Variants in NACC2 observed in about 807,000 individuals in gnomAD.
NACC2 encodes NACC family member 2, also known as nucleus accumbens-associated protein 2.
NACC2 carries 8 observed loss-of-function variants against 25.1 expected under a neutral mutation model. The ratio of observed to expected loss-of-function variants is 0.32; its 90% CI spans 0.19 to 0.57. The LOEUF is 0.57. Ranked by LOEUF, NACC2 falls within the 20% of genes least tolerant of loss-of-function variation. The pLI is 0.89. For synonymous variants in NACC2, 435 were observed against 294.7 expected, an observed-to-expected ratio of 1.48 and a Z score of -4.88; for missense variants, 644 against 650.2, an observed-to-expected ratio of 0.99 and a Z score of 0.10.
intron 1 of NACC2, among the ~76,000 whole-genome samples, chr9:136,092,379 C>A (rs556703337): frequency 1.7e-4 from 26 of 152,316 alleles, no homozygotes; most frequent in African/African-American, 5.8e-4. Context: ...GAGACCAGAC[C>A]CAGTCAGACC....
chr9:136,035,490 C>G (rs999861866), intron 2 of NACC2, among the ~76,000 whole-genome samples: 9 of 152,060 alleles, frequency 5.9e-5, no homozygotes, highest in African/African-American at 2.2e-4. Flanking sequence ...GAGGCTGAGA[C>G]ACTATTCTAG....
At chr9:136,073,999 A>AT (rs1830228379) in intron 1 of NACC2, among the ~76,000 whole-genome samples, 2 of 152,222 alleles carry the variant, frequency 1.3e-5, no homozygotes, top group Non-Finnish European at 1.5e-5. Flanking sequence ...GTCCTTGACT[A>AT]TTTTTTTAAA....
chr9:136,019,683 C>T lies in NACC2; in HGVS notation c.887-3254G>A, dbSNP rs535773580. Among the ~76,000 whole-genome samples the T allele has an allele frequency of 2.9e-4, 44 of 152,288 alleles. No individual in the cohort carries two copies. In the South Asian group the frequency reaches 6.8e-3, roughly 24 times the overall value. ...CAGCCTCCCGGGCAGCAGGGCCCAG[C>T]TACTGAGGGTAGGCAGGTGGGCAGC... On this transcript the variant is annotated intron_variant, in intron 2 of 5. Transcript: ENST00000277554. The surrounding 1 kb of genome is among the most constrained non-coding windows in gnomAD (Gnocchi z 5.2).
chr9:136,064,617 T>C (rs148863961), intron 1 of NACC2, among the ~76,000 whole-genome samples: 3,751 of 152,306 alleles, frequency 0.025, 50 homozygotes, highest in Middle Eastern at 0.078. Context: ...AAGTCTTCCT[T>C]AATAATGTTA....
At chr9:136,040,019 G>T (rs1840604407) in intron 2 of NACC2, among the ~76,000 whole-genome samples, 2 of 152,164 alleles carry the variant, frequency 1.3e-5, no homozygotes, top group Non-Finnish European at 2.9e-5. Context: ...AGGTAGCAAG[G>T]TTGTAGAATA....
chr9:136,048,280 G>C (rs1406837825), intron 2 of NACC2, among the ~76,000 whole-genome samples: 2 of 152,208 alleles, frequency 1.3e-5, no homozygotes, highest in Non-Finnish European at 2.9e-5. Flanking sequence ...TGGGGTGGCT[G>C]TCAGCAGGGG....
At chr9:136,052,769 T>C (rs1055923656) in intron 1 of NACC2, among the ~76,000 whole-genome samples, 1 of 152,188 alleles carries the variant, frequency 6.6e-6, no homozygotes, top group African/African-American at 2.4e-5. Flanking sequence ...TCCCGCACAC[T>C]CCTGGCTGCG....
intron 1 of NACC2, among the ~76,000 whole-genome samples, chr9:136,080,263 C>T (rs761934620): frequency 2.6e-5 from 4 of 152,196 alleles, no homozygotes; most frequent in Non-Finnish European, 4.4e-5. Flanking sequence ...GCCCCCGCAC[C>T]CATCTCTGTG....
chr9:136,091,791 A>T (rs558797402), intron 1 of NACC2, among the ~76,000 whole-genome samples: 1 of 152,042 alleles, frequency 6.6e-6, no homozygotes, highest in African/African-American at 2.4e-5. Flanking sequence ...AAATGATCTC[A>T]TCTCACCAAG....
At chr9:136,090,301 C>T (rs868123083) in intron 1 of NACC2, among the ~76,000 whole-genome samples, 1 of 152,176 alleles carries the variant, frequency 6.6e-6, no homozygotes, top group Non-Finnish European at 1.5e-5. Context: ...CCTTCTGCTC[C>T]GATCCAAAGG....
chr9:136,046,913 C>T (rs1408051691), intron 2 of NACC2, among the ~76,000 whole-genome samples: 1 of 152,178 alleles, frequency 6.6e-6, no homozygotes, highest in Non-Finnish European at 1.5e-5. Flanking sequence ...AACAGGAGAA[C>T]AGCCCTACAG....
At chr9:136,036,985 G>A (rs1467670717) in intron 2 of NACC2, among the ~76,000 whole-genome samples, 1 of 152,154 alleles carries the variant, frequency 6.6e-6, no homozygotes, top group Non-Finnish European at 1.5e-5. Context: ...AGCAGCCTAA[G>A]AAGAAGACAC....
At chr9:136,088,808 C>T (rs1350899153) in intron 1 of NACC2, among the ~76,000 whole-genome samples, 2 of 152,174 alleles carry the variant, frequency 1.3e-5, no homozygotes, top group Non-Finnish European at 2.9e-5. Context: ...GGGCAGAAAG[C>T]ACAAGGGCTG....
At chr9:136,091,691 G>C (rs72773735) in intron 1 of NACC2, among the ~76,000 whole-genome samples, 6,904 of 152,276 alleles carry the variant, frequency 0.045, 184 homozygotes, top group Non-Finnish European at 0.063. Flanking sequence ...ACGCAGGAAG[G>C]CCACAGCTGA....
At chr9:136,066,636 A>G (rs1484020662) in intron 1 of NACC2, among the ~76,000 whole-genome samples, 1 of 152,244 alleles carries the variant, frequency 6.6e-6, no homozygotes, top group Non-Finnish European at 1.5e-5. Context: ...AACCCTAGGT[A>G]TGCAGCCAAG....
At position 136,076,563 on chromosome 9, in the gene NACC2, A is replaced by G. The variant is rs570417419; in HGVS notation, c.-60+18626T>C. 1.3e-3 allele frequency among the ~76,000 whole-genome samples: 192 copies of G among 152,246 alleles called. 1 individual carries two copies. The highest frequency in any genetic ancestry group is 2.4e-3 in the Non-Finnish European group (161 of 68,026). ...GACTGCGGAGGGGAGTTGGTGTTCAATGGGTGCAGTTTCGGTCAGGGATGA... is the reference window on the plus strand; with the variant it reads ...GACTGCGGAGGGGAGTTGGTGTTCAGTGGGTGCAGTTTCGGTCAGGGATGA... On this transcript the variant is annotated intron_variant, in intron 1 of 5. Coordinates refer to ENST00000277554, the MANE Select transcript of NACC2 (RefSeq NM_144653.5).
intron 2 of NACC2, among the ~76,000 whole-genome samples, chr9:136,032,609 A>G (rs1840490358): frequency 6.6e-6 from 1 of 152,196 alleles, no homozygotes; most frequent in African/African-American, 2.4e-5. Context: ...GTCTGTATCC[A>G]GAACAGGCCA....
intron 1 of NACC2, among the ~76,000 whole-genome samples, chr9:136,088,003 C>T (rs1411754585): frequency 6.6e-6 from 1 of 151,838 alleles, no homozygotes; most frequent in Non-Finnish European, 1.5e-5. Context: ...GGGAGGTGAC[C>T]TGGGGACTCT....
Position 136,013,771 on chromosome 9 carries a change from C to T in NACC2, c.1157+93G>A. 1 of 1,183,102 alleles carries T rather than the reference C, an allele frequency of 8.5e-7. No individual in the cohort carries two copies. The highest frequency in any genetic ancestry group is 1.2e-6 in the Non-Finnish European group (1 of 832,844). 73.3% of individuals were successfully genotyped at this position (1,183,102 alleles called of 1,614,324 possible). ...CAGGAATGCGAGAGGGCTTTCAATGCCACAACCCTGGACGATCAGACAGCT... is the reference window on the plus strand; with the variant it reads ...CAGGAATGCGAGAGGGCTTTCAATGTCACAACCCTGGACGATCAGACAGCT... On this transcript the variant is annotated intron_variant, in intron 4 of 5. Transcript: ENST00000277554. This position sits in a 1 kb window ranked among gnomAD's most constrained non-coding sequence, Gnocchi z 6.6.
Sources: allele counts gnomAD v4.1 joint callset (sites outside exome capture counted in the v4.1 genomes callset), GRCh38; gene constraint gnomAD v4.1.1; non-coding constraint Gnocchi (gnomAD v3.1); transcripts MANE v1.5; gene names NCBI Gene and HGNC (gene_info 2026-07-23, HGNC 2026-07-21).